The following LIPC variants were observed in gnomAD, a reference collection of about 807,000 sequenced individuals.
LIPC encodes the protein hepatic triacylglycerol lipase.
In LIPC, 44 loss-of-function variants were observed where a neutral mutation model predicts 50.7. That is an observed-to-expected ratio of 0.87 (90% confidence interval 0.68 to 1.11). The LOEUF (loss-of-function observed/expected upper bound fraction) is 1.11, where lower values mean the gene tolerates loss of function less well. LIPC is among the 50% of genes most tolerant of loss of function. The pLI is 0.00. For synonymous variants in LIPC, 271 were observed against 256.4 expected (o/e 1.06, Z -0.54); for missense variants, 697 against 648.2 (o/e 1.08, Z -0.82).
chr15:58,557,656 A>T (rs189306118), intron 6 of LIPC, among the ~76,000 whole-genome samples: 1 of 152,234 alleles, frequency 6.6e-6, no homozygotes, highest in African/African-American at 2.4e-5. Flanking sequence ...AAGTGCTGGG[A>T]TTACAGGCGT....
intron 1 of LIPC, among the ~76,000 whole-genome samples, chr15:58,521,018 G>T (rs1402819263): frequency 6.6e-6 from 1 of 152,148 alleles, no homozygotes; most frequent in Non-Finnish European, 1.5e-5. Flanking sequence ...AAGAATATCC[G>T]GAACTTGCTT....
At chr15:58,434,749 G>C (rs969845893) in intron 1 of LIPC, 1 of 78,226 alleles carries the variant, frequency 1.3e-5, no homozygotes, top group Non-Finnish European at 3.1e-5. Flanking sequence ...TTCCCCAGTC[G>C]GTGTTGCCAT....
At chr15:58,444,107 C>G (rs1170802034) in intron 1 of LIPC, among the ~76,000 whole-genome samples, 4 of 152,190 alleles carry the variant, frequency 2.6e-5, no homozygotes, top group African/African-American at 9.6e-5. Flanking sequence ...GCCTGACAGT[C>G]TCCTTCCTGC....
At chr15:58,445,741 C>G (rs1333087697) in intron 1 of LIPC, among the ~76,000 whole-genome samples, 1 of 152,184 alleles carries the variant, frequency 6.6e-6, no homozygotes, top group African/African-American at 2.4e-5. Context: ...TCAAGGCCTG[C>G]AGACCTCGGT....
At chr15:58,550,443 G>C (rs145377353) in intron 6 of LIPC, among the ~76,000 whole-genome samples, 2 of 152,122 alleles carry the variant, frequency 1.3e-5, no homozygotes, top group Non-Finnish European at 2.9e-5. Flanking sequence ...ATTTGCCAAC[G>C]GCCCCACTGC....
intron 1 of LIPC, among the ~76,000 whole-genome samples, chr15:58,535,222 C>T (rs1186433354): frequency 6.6e-6 from 1 of 152,238 alleles, no homozygotes; most frequent in African/African-American, 2.4e-5. Flanking sequence ...GCTTGCATCC[C>T]CCACCCCACC....
At chr15:58,479,911 C>G (rs1379076276) in intron 1 of LIPC, among the ~76,000 whole-genome samples, 13 of 152,190 alleles carry the variant, frequency 8.5e-5, no homozygotes, top group Non-Finnish European at 1.6e-4. Flanking sequence ...CTCCGTGGGC[C>G]TCAGTTTGCT....
chr15:58,566,567 G>T, intron 8 of LIPC: 1 of 567,620 alleles, frequency 1.8e-6, no homozygotes, highest in Non-Finnish European at 2.2e-6. Context: ...GCTGCTAAGT[G>T]CAAGTGGGAA....
At chr15:58,486,463 C>G (rs1891379846) in intron 1 of LIPC, among the ~76,000 whole-genome samples, 1 of 152,212 alleles carries the variant, frequency 6.6e-6, no homozygotes, top group African/African-American at 2.4e-5. Context: ...CATTGGTTCT[C>G]TCCTCTGCTC....
At chr15:58,507,986 T>C (rs1566933530) in intron 1 of LIPC, among the ~76,000 whole-genome samples, 1 of 152,122 alleles carries the variant, frequency 6.6e-6, no homozygotes, top group Non-Finnish European at 1.5e-5. Flanking sequence ...GGTAAATGAT[T>C]CTCTTTGAAA....
intron 1 of LIPC, among the ~76,000 whole-genome samples, chr15:58,450,939 G>C (rs1238540388): frequency 3.3e-5 from 5 of 152,210 alleles, no homozygotes; most frequent in African/African-American, 1.2e-4. Context: ...TTTGGAGGCA[G>C]ACAACTTTTT....
At chr15:58,446,073 T>A (rs753411500) in intron 1 of LIPC, among the ~76,000 whole-genome samples, 1 of 152,228 alleles carries the variant, frequency 6.6e-6, no homozygotes, top group Non-Finnish European at 1.5e-5. Flanking sequence ...TGCATATTTA[T>A]ATGTGTGTGA....
chr15:58,488,911 A>C (rs931229465), intron 1 of LIPC, among the ~76,000 whole-genome samples: 1 of 152,188 alleles, frequency 6.6e-6, no homozygotes, highest in South Asian at 2.1e-4. Context: ...TTTAATCACT[A>C]AATGAACTTA....
intron 4 of LIPC, among the ~76,000 whole-genome samples, chr15:58,543,949 T>A (rs1179534978): frequency 6.6e-6 from 1 of 152,198 alleles, no homozygotes; most frequent in Non-Finnish European, 1.5e-5. Flanking sequence ...ACAACTACTA[T>A]CTGCTATTAC....
intron 1 of LIPC, among the ~76,000 whole-genome samples, chr15:58,494,549 A>G (rs901987025): frequency 6.6e-6 from 1 of 152,264 alleles, no homozygotes; most frequent in Non-Finnish European, 1.5e-5. Context: ...TGCTGCAGAT[A>G]TAAGACAACA....
At chr15:58,561,499 T>G (rs1407144475) in intron 7 of LIPC, among the ~76,000 whole-genome samples, 1 of 152,180 alleles carries the variant, frequency 6.6e-6, no homozygotes, top group Non-Finnish European at 1.5e-5. Flanking sequence ...GGTAGCAGGC[T>G]TCAGAGACAA....
intron 1 of LIPC, among the ~76,000 whole-genome samples, chr15:58,458,317 G>T (rs916198683): frequency 2.6e-5 from 4 of 152,198 alleles, no homozygotes; most frequent in African/African-American, 9.7e-5. Flanking sequence ...CCCTGAGCAA[G>T]GTCGGCTTAT....
chr15:58,559,089 A>G (rs1226075010), intron 6 of LIPC, among the ~76,000 whole-genome samples: 1 of 152,222 alleles, frequency 6.6e-6, no homozygotes, highest in Non-Finnish European at 1.5e-5. Context: ...TATAGCTACC[A>G]ACCTCCGGTA....
chr15:58,462,024 C>G (rs1894369384), intron 1 of LIPC, among the ~76,000 whole-genome samples: 1 of 152,058 alleles, frequency 6.6e-6, no homozygotes, highest in South Asian at 2.1e-4. Flanking sequence ...CATCACACAG[C>G]CTGCACTGGA....
Sources: allele counts gnomAD v4.1 joint callset (sites outside exome capture counted in the v4.1 genomes callset), GRCh38; gene constraint gnomAD v4.1.1; transcripts MANE v1.5; gene names NCBI Gene and HGNC (gene_info 2026-07-23, HGNC 2026-07-21).